The following PARVB variants were observed in gnomAD, a reference collection of about 807,000 sequenced individuals.
PARVB encodes the protein parvin beta.
PARVB carries 46 observed loss-of-function variants against 47.0 expected under a neutral mutation model. The observed-to-expected ratio is 0.98, with a 90% CI of 0.77 to 1.25. The LOEUF (loss-of-function observed/expected upper bound fraction) is 1.25, where lower values mean the gene tolerates loss of function less well. Ranked by LOEUF, PARVB falls within the 50% of genes most tolerant of loss-of-function variation. PARVB has a pLI of 0.00. For missense variants in PARVB, 473 were observed against 471.6 expected, an observed-to-expected ratio of 1.00 and a Z score of -0.03; for synonymous variants, 196 against 196.3, an observed-to-expected ratio of 1.00 and a Z score of 0.01.
intron 4 of PARVB, chr22:44,119,810 A>T (rs1180134156): frequency 1.9e-6 from 1 of 532,936 alleles, no homozygotes; most frequent in Non-Finnish European, 3.8e-6. Flanking sequence ...ATTGCTTGTG[A>T]TGAGGGCCTT....
intron 4 of PARVB, among the ~76,000 whole-genome samples, chr22:44,126,791 T>G (rs2053195146): frequency 6.6e-6 from 1 of 152,220 alleles, no homozygotes. Flanking sequence ...TGCCTGCACC[T>G]GTGGCTTCTC....
In PARVB at chr22:44,171,345, A is replaced by G. The variant is rs2054266425; in HGVS notation, c.*2667A>G. 1 of 151,942 alleles carries G rather than the reference A, an allele frequency of 6.6e-6. No homozygotes were observed. Among genetic ancestry groups the G allele is most frequent in the South Asian group, 2.1e-4 (1 of 4,816 alleles). The allele number at this position is 151,942 out of a possible 1,614,324, so 9.4% of individuals were successfully genotyped here. A position where few individuals can be genotyped will look rare whatever the true frequency, so the allele number is the denominator to read the frequency against. ...ACCCCATGTCTACTAAAAATACAAA[A>G]ATTAGCCATGCATGGTATGTATGCC... On this transcript the variant is annotated 3_prime_UTR_variant, in exon 13 of 13. Coordinates refer to ENST00000338758, the MANE Select transcript of PARVB (RefSeq NM_013327.5).
chr22:44,090,361 C>T (rs1280707931), intron 1 of PARVB, among the ~76,000 whole-genome samples: 2 of 152,348 alleles, frequency 1.3e-5, no homozygotes, highest in African/African-American at 2.4e-5. Flanking sequence ...TAACCAGCCC[C>T]TTCAGAATGC....
intron 3 of PARVB, chr22:44,115,017 C>A (rs1390125852): frequency 3.6e-5 from 3 of 82,734 alleles, no homozygotes; most frequent in Middle Eastern, 9.1e-3. Context: ...TTACTAAGGC[C>A]CTGCACCAAC....
intron 1 of PARVB, among the ~76,000 whole-genome samples, chr22:44,031,128 G>T (rs756932023): frequency 6.6e-6 from 1 of 152,124 alleles, no homozygotes; most frequent in Non-Finnish European, 1.5e-5. Context: ...AGCAGAGGCC[G>T]TCTCCGTTTG....
At chr22:44,062,471 C>T (rs1160372872) in intron 1 of PARVB, among the ~76,000 whole-genome samples, 1 of 152,066 alleles carries the variant, frequency 6.6e-6, no homozygotes, top group Non-Finnish European at 1.5e-5. Context: ...AACCCCATCT[C>T]TACTAAAAAT....
intron 1 of PARVB, among the ~76,000 whole-genome samples, chr22:44,061,321 T>C (rs2051414114): frequency 1.3e-5 from 2 of 151,924 alleles, no homozygotes; most frequent in African/African-American, 4.8e-5. Context: ...ATCCCACCTA[T>C]TCAGGAGGCT....
intron 1 of PARVB, chr22:44,081,531 C>A (rs189589648): frequency 6.1e-5 from 52 of 855,162 alleles, no homozygotes; most frequent in Non-Finnish European, 7.2e-5. Context: ...TTACCAGTCA[C>A]ATTAATTAAT....
At chr22:44,003,967 C>T (rs2050438229) in intron 2 of PARVB, among the ~76,000 whole-genome samples, 1 of 152,230 alleles carries the variant, frequency 6.6e-6, no homozygotes, top group Non-Finnish European at 1.5e-5. Flanking sequence ...TGGCCACTCC[C>T]CTTCTCCAGG....
chr22:44,014,799 T>C (rs2050558968), intron 2 of PARVB, among the ~76,000 whole-genome samples: 1 of 152,178 alleles, frequency 6.6e-6, no homozygotes, highest in African/African-American at 2.4e-5. Context: ...AGCCAGTTCT[T>C]GATTGTCATC....
In PARVB at chr22:44,155,452, C is replaced by T. The variant is rs545604190; in HGVS notation, c.844-2530C>T. On this transcript the variant is annotated intron_variant, in intron 10 of 12. Transcript: ENST00000338758. This position sits in a 1 kb window ranked among gnomAD's most constrained non-coding sequence, Gnocchi z 4.8. ...CCCAGCCCTGCCCTCTCCTTGTGGC[C>T]GTCCCTCCCTCCTTCCTGTGAGCCC... Among the ~76,000 whole-genome samples, 14 of 152,214 alleles carry T rather than the reference C, an allele frequency of 9.2e-5. No individual in the cohort carries two copies. Among genetic ancestry groups the T allele is most frequent in the African/African-American group, 2.9e-4 (12 of 41,544 alleles).
intron 10 of PARVB, among the ~76,000 whole-genome samples, chr22:44,154,477 G>C (rs1429424004): frequency 1.3e-5 from 2 of 152,038 alleles, no homozygotes; most frequent in African/African-American, 4.8e-5. Context: ...TCTGGTATGT[G>C]TGGTTTATGC....
At chr22:44,146,269 A>T (rs974459972) in intron 8 of PARVB, 21 of 127,492 alleles carry the variant, frequency 1.6e-4, no homozygotes, top group Admixed American at 6.6e-4. Context: ...CGCTCACAGC[A>T]CACACACATG....
At chr22:44,117,475 G>A (rs1426748609) in intron 3 of PARVB, among the ~76,000 whole-genome samples, 1 of 152,144 alleles carries the variant, frequency 6.6e-6, no homozygotes, top group African/African-American at 2.4e-5. Flanking sequence ...CCCCCTGCCA[G>A]CCACCTCGCA....
intron 1 of PARVB, among the ~76,000 whole-genome samples, chr22:44,038,462 T>C (rs2050960321): frequency 6.6e-6 from 1 of 151,964 alleles, no homozygotes; most frequent in Non-Finnish European, 1.5e-5. Flanking sequence ...ATTGAGTGAG[T>C]TATTAAATGA....
intron 2 of PARVB, 40 bp downstream of exon 2, chr22:44,094,057 G>A (rs777743966): frequency 5.5e-6 from 7 of 1,278,828 alleles, no homozygotes; most frequent in African/African-American, 1.5e-5. Context: ...AGACAGTTGA[G>A]CTTCCGTGGC....
intron 2 of PARVB, among the ~76,000 whole-genome samples, chr22:44,094,953 G>A (rs967372408): frequency 5.9e-5 from 9 of 151,392 alleles, no homozygotes; most frequent in African/African-American, 1.7e-4. Flanking sequence ...GTGGCGTGGC[G>A]TGGTATGGTG....
rs199961546 is a variant in PARVB at position 44,093,880 on chromosome 22, G to A, written c.113-48G>A. ...GTCCACAGCCAACATGTGAGGCCAC[G>A]GCACTCCGTGTATACTAACCTGGTT... On this transcript the variant is annotated intron_variant, in intron 1 of 12. Coordinates refer to ENST00000338758, the MANE Select transcript of PARVB (RefSeq NM_013327.5). 1.3e-3 allele frequency: 1,545 copies of A among 1,225,376 alleles called. 1 individual carries two copies. Among genetic ancestry groups the A allele is most frequent in the Non-Finnish European group, 1.6e-3 (1,378 of 842,482 alleles). The allele number at this position is 1,225,376 out of a possible 1,614,324, so 75.9% of individuals were successfully genotyped here.
At chr22:44,107,383 G>A (rs1353575220) in intron 3 of PARVB, 1 of 152,232 alleles carries the variant, frequency 6.6e-6, no homozygotes, top group Non-Finnish European at 1.5e-5. Flanking sequence ...AATAGCCAAG[G>A]GAAACCTGTA....
Sources: allele counts gnomAD v4.1 joint callset (sites outside exome capture counted in the v4.1 genomes callset), GRCh38; gene constraint gnomAD v4.1.1; non-coding constraint Gnocchi (gnomAD v3.1); transcripts MANE v1.5; gene names NCBI Gene and HGNC (gene_info 2026-07-23, HGNC 2026-07-21).